Variants in LYPLAL1 observed in about 807,000 individuals in gnomAD.
The protein encoded by LYPLAL1 is lysophospholipase-like protein 1.
A neutral mutation model predicts 19.7 loss-of-function variants in LYPLAL1; 23 were observed. That is an observed-to-expected ratio of 1.17 (90% confidence interval 0.84 to 1.65). The LOEUF is 1.65. LYPLAL1 is among the 40% of genes most tolerant of loss of function. The pLI is 0.00. For synonymous variants in LYPLAL1, 119 were observed against 96.3 expected, an observed-to-expected ratio of 1.24 and a Z score of -1.38; for missense variants, 355 against 279.4, an observed-to-expected ratio of 1.27 and a Z score of -1.93.
chr1:219,353,365 A>G, the LYPLAL1 span, among the ~76,000 whole-genome samples: 1 of 152,282 alleles, frequency 6.6e-6, no homozygotes, highest in Non-Finnish European at 1.5e-5. Context: ...TTTACATGCC[A>G]TAGACACAGT....
chr1:219,272,379 A>G, the LYPLAL1 span: 1 of 152,432 alleles, frequency 6.6e-6, no homozygotes, highest in East Asian at 1.9e-4. Flanking sequence ...AAGTGAAAGT[A>G]AGAATTTTTT....
the LYPLAL1 span, among the ~76,000 whole-genome samples, chr1:219,386,654 C>G: frequency 6.6e-6 from 1 of 152,100 alleles, no homozygotes; most frequent in East Asian, 1.9e-4. Context: ...AAATTGTACC[C>G]AGATCTTCTT....
the LYPLAL1 span, among the ~76,000 whole-genome samples, chr1:219,241,124 CTCTCTCTCTCTATATA>C: frequency 5.4e-5 from 5 of 93,362 alleles, no homozygotes; most frequent in Admixed American, 1.3e-4. Context: ...CTCTCTCTCT[CTCTCTCTCTCTATATA>C]TATATATATA....
the LYPLAL1 span, among the ~76,000 whole-genome samples, chr1:219,314,642 C>T: frequency 6.6e-6 from 1 of 152,170 alleles, no homozygotes; most frequent in Non-Finnish European, 1.5e-5. Context: ...GACGGGGTTT[C>T]ACCGTGGTCT....
chr1:219,208,970 A>C (rs955717565), intron 3 of LYPLAL1, among the ~76,000 whole-genome samples: 1 of 152,118 alleles, frequency 6.6e-6, no homozygotes, highest in East Asian at 1.9e-4. Context: ...ATTCATGGAT[A>C]ATGTAGCCCA....
At chr1:219,398,922 G>T in the LYPLAL1 span, among the ~76,000 whole-genome samples, 1 of 152,198 alleles carries the variant, frequency 6.6e-6, no homozygotes, top group South Asian at 2.1e-4. Context: ...AATCCACTGT[G>T]CTGAGTGGCC....
At chr1:219,259,442 A>G in the LYPLAL1 span, among the ~76,000 whole-genome samples, 38,443 of 149,190 alleles carry the variant, frequency 0.26, 5,166 homozygotes, top group Non-Finnish European at 0.31. Context: ...TATATATACC[A>G]TGGAATACTA....
the LYPLAL1 span, among the ~76,000 whole-genome samples, chr1:219,288,960 T>A: frequency 1.3e-5 from 2 of 152,276 alleles, no homozygotes; most frequent in Non-Finnish European, 2.9e-5. Flanking sequence ...TTAAATCGTC[T>A]TGCTCGAATT....
chr1:219,308,897 C>T, the LYPLAL1 span, among the ~76,000 whole-genome samples: 1 of 152,168 alleles, frequency 6.6e-6, no homozygotes, highest in East Asian at 1.9e-4. Flanking sequence ...GAGAAGAGAG[C>T]CAGCGTTCTC....
chr1:219,417,006 T>C, the LYPLAL1 span, among the ~76,000 whole-genome samples: 1 of 152,238 alleles, frequency 6.6e-6, no homozygotes, highest in South Asian at 2.1e-4. Context: ...CACTACCAAA[T>C]TGATTTGTCA....
the LYPLAL1 span, among the ~76,000 whole-genome samples, chr1:219,434,765 A>G: frequency 6.6e-6 from 1 of 152,200 alleles, no homozygotes; most frequent in African/African-American, 2.4e-5. Flanking sequence ...AAAGGAGATT[A>G]GAAGAGCATT....
the LYPLAL1 span, among the ~76,000 whole-genome samples, chr1:219,417,435 G>C: frequency 1.7e-4 from 26 of 152,288 alleles, no homozygotes; most frequent in African/African-American, 5.5e-4. Context: ...GGGTAGCAAA[G>C]ATCATTTAAA....
the LYPLAL1 span, among the ~76,000 whole-genome samples, chr1:219,294,831 G>A: frequency 1.3e-5 from 2 of 152,186 alleles, no homozygotes; most frequent in South Asian, 2.1e-4. Context: ...TCCAGAGAGG[G>A]AAGTTGAACT....
chr1:219,346,936 A>C, the LYPLAL1 span, among the ~76,000 whole-genome samples: 1 of 152,218 alleles, frequency 6.6e-6, no homozygotes, highest in Non-Finnish European at 1.5e-5. Context: ...ACAAACACCA[A>C]AACCCCTATT....
the LYPLAL1 span, among the ~76,000 whole-genome samples, chr1:219,354,765 G>A: frequency 6.6e-6 from 1 of 152,018 alleles, no homozygotes; most frequent in East Asian, 1.9e-4. Flanking sequence ...GTTGTTAAAG[G>A]ATAGTTTTCA....
the LYPLAL1 span, among the ~76,000 whole-genome samples, chr1:219,427,619 T>C: frequency 6.6e-6 from 1 of 152,172 alleles, no homozygotes; most frequent in Non-Finnish European, 1.5e-5. Context: ...AAACTGCCAG[T>C]GTTAGAGAGG....
the LYPLAL1 span, among the ~76,000 whole-genome samples, chr1:219,241,211 C>G: frequency 2.2e-5 from 3 of 135,082 alleles, no homozygotes; most frequent in African/African-American, 8.3e-5. Flanking sequence ...GGAAAGATAT[C>G]CATGATGGTG....
intron 2 of LYPLAL1, among the ~76,000 whole-genome samples, chr1:219,190,619 C>A (rs1572173230): frequency 1.3e-4 from 3 of 23,632 alleles, no homozygotes; most frequent in Non-Finnish European, 6.6e-5. Flanking sequence ...GTCTTTTGTC[C>A]AGTAAAAAAA....
intron 3 of LYPLAL1, among the ~76,000 whole-genome samples, chr1:219,208,654 T>C (rs928020407): frequency 3.3e-5 from 5 of 151,976 alleles, no homozygotes; most frequent in African/African-American, 1.2e-4. Flanking sequence ...AATGAAAATA[T>C]GATTATTGAA....
Sources: allele counts gnomAD v4.1 joint callset (sites outside exome capture counted in the v4.1 genomes callset), GRCh38; gene constraint gnomAD v4.1.1; transcripts MANE v1.5; gene names NCBI Gene and HGNC (gene_info 2026-07-23, HGNC 2026-07-21).